Variants in RAB2A observed in about 807,000 individuals in gnomAD.
RAB2A encodes RAB2A, member RAS oncogene family, also known as ras-related protein Rab-2A.
RAB2A carries 7 observed loss-of-function variants against 32.5 expected under a neutral mutation model. That is an observed-to-expected ratio of 0.22 (90% CI 0.12 to 0.40). The LOEUF is 0.40. RAB2A is among the 10% of genes least tolerant of loss of function. The pLI is 1.00. For synonymous variants in RAB2A, 79 were observed against 85.2 expected (o/e 0.93, Z 0.40); for missense variants, 108 against 260.7 (o/e 0.41, Z 4.03).
intron 6 of RAB2A, among the ~76,000 whole-genome samples, chr8:60,609,992 A>G (rs946046149): frequency 6.6e-6 from 1 of 150,616 alleles, no homozygotes; most frequent in Non-Finnish European, 1.5e-5. Flanking sequence ...AAATCCAGAC[A>G]AGCAAATTGG....
intron 3 of RAB2A, among the ~76,000 whole-genome samples, chr8:60,577,194 C>T (rs1302804008): frequency 2.0e-5 from 3 of 151,944 alleles, no homozygotes; most frequent in Non-Finnish European, 4.4e-5. Context: ...TACAGGCACT[C>T]GCCACCACTC....
intron 1 of RAB2A, among the ~76,000 whole-genome samples, chr8:60,547,863 G>T (rs1299847295): frequency 7.9e-6 from 1 of 126,162 alleles, no homozygotes; most frequent in South Asian, 2.8e-4. Context: ...GGACGGGGCG[G>T]CTGGCCGGGC....
rs537800950 is a variant in RAB2A at position 60,593,004 on chromosome 8, T to C, written c.474+1035T>C. ...TCCTGGGCAACAGCTAGCATGTGCC[T>C]TCAATGTAGTAAGCAGTCAGTAAAT... On this transcript the variant is annotated intron_variant, in intron 6 of 7. Transcript: ENST00000262646. Among the ~76,000 whole-genome samples, 19 of 152,338 alleles carry C rather than the reference T, an allele frequency of 1.2e-4. No individual in the cohort carries two copies. In the South Asian group the frequency reaches 3.9e-3, roughly 32 times the overall value.
At chr8:60,549,479 C>T (rs998080714) in intron 1 of RAB2A, among the ~76,000 whole-genome samples, 15 of 139,332 alleles carry the variant, frequency 1.1e-4, no homozygotes, top group Non-Finnish European at 2.3e-4. Context: ...CTCCACCAAC[C>T]TTTTTTTTTT....
At chr8:60,518,992 G>T (rs1807258405) in intron 1 of RAB2A, among the ~76,000 whole-genome samples, 1 of 152,126 alleles carries the variant, frequency 6.6e-6, no homozygotes, top group Non-Finnish European at 1.5e-5. Flanking sequence ...AAAGTATTGT[G>T]CATGGAGTAG....
intron 1 of RAB2A, 168 bp from the exon 2 acceptor site, chr8:60,558,684 C>T: frequency 3.0e-6 from 2 of 659,512 alleles, no homozygotes; most frequent in Non-Finnish European, 5.4e-6. Context: ...CAGCTTCCAC[C>T]TAAATCATCA....
intron 1 of RAB2A, among the ~76,000 whole-genome samples, chr8:60,528,347 T>A (rs1026560459): frequency 2.0e-5 from 3 of 152,206 alleles, no homozygotes; most frequent in Non-Finnish European, 2.9e-5. Flanking sequence ...AACAAATGAT[T>A]ATATCTTTTT....
chr8:60,567,110 T>C (rs1808126296), intron 2 of RAB2A, among the ~76,000 whole-genome samples: 1 of 149,838 alleles, frequency 6.7e-6, no homozygotes, highest in Non-Finnish European at 1.5e-5. Flanking sequence ...TGTTCATCTT[T>C]CTTTTTTTCT....
intron 6 of RAB2A, among the ~76,000 whole-genome samples, chr8:60,607,279 A>G (rs1051901019): frequency 6.6e-6 from 1 of 151,452 alleles, no homozygotes; most frequent in Non-Finnish European, 1.5e-5. Context: ...AATACAAAAA[A>G]TTAGCCGGGC....
chr8:60,618,947 G>A (rs1369283754), intron 7 of RAB2A: 1 of 152,776 alleles, frequency 6.5e-6, no homozygotes, highest in Non-Finnish European at 1.5e-5. Flanking sequence ...CCCCCAAAGA[G>A]AAAAGAAAAT....
At chr8:60,588,828 C>T (rs961559929) in intron 5 of RAB2A, among the ~76,000 whole-genome samples, 5 of 152,064 alleles carry the variant, frequency 3.3e-5, no homozygotes, top group Non-Finnish European at 5.9e-5. Context: ...TGTAAAACAT[C>T]GTTATACTGT....
At chr8:60,602,202 A>G (rs1233998220) in intron 6 of RAB2A, among the ~76,000 whole-genome samples, 2 of 152,140 alleles carry the variant, frequency 1.3e-5, no homozygotes, top group Non-Finnish European at 2.9e-5. Flanking sequence ...AATTAACTTA[A>G]TCGGTACTAT....
At chr8:60,566,419 CT>C (rs549178020) in intron 2 of RAB2A, among the ~76,000 whole-genome samples, 2 of 151,708 alleles carry the variant, frequency 1.3e-5, no homozygotes, top group East Asian at 3.9e-4. Context: ...ATATCTTTGT[CT>C]TTTTTTTGTT....
At chr8:60,550,210 C>T (rs1391734426) in intron 1 of RAB2A, among the ~76,000 whole-genome samples, 1 of 152,158 alleles carries the variant, frequency 6.6e-6, no homozygotes, top group Non-Finnish European at 1.5e-5. Flanking sequence ...TTTGATCAGG[C>T]AAAACATTGG....
intron 1 of RAB2A, among the ~76,000 whole-genome samples, chr8:60,550,028 C>T (rs898090701): frequency 6.6e-6 from 1 of 152,094 alleles, no homozygotes; most frequent in East Asian, 1.9e-4. Context: ...TGTGGCTTAT[C>T]TTCATCCTGA....
chr8:60,516,962 G>A (rs1807212675), upstream of RAB2A: 1 of 405,780 alleles, frequency 2.5e-6, no homozygotes, highest in Non-Finnish European at 4.4e-6. Flanking sequence ...CGCGGAGGCG[G>A]GGCGGAGGCG....
chr8:60,538,035 AT>A (rs1238658495), intron 1 of RAB2A, among the ~76,000 whole-genome samples: 1 of 152,220 alleles, frequency 6.6e-6, no homozygotes, highest in Non-Finnish European at 1.5e-5. Context: ...GTTTTCCACT[AT>A]TAAGATAAAC....
At chr8:60,569,719 T>G (rs891181962) in intron 2 of RAB2A, among the ~76,000 whole-genome samples, 1 of 152,116 alleles carries the variant, frequency 6.6e-6, no homozygotes, top group Non-Finnish European at 1.5e-5. Flanking sequence ...CCCTACGTTG[T>G]CCAGGCTAGT....
At chr8:60,607,428 CA>C (rs773988383) in intron 6 of RAB2A, among the ~76,000 whole-genome samples, 10,699 of 57,422 alleles carry the variant, frequency 0.19, 332 homozygotes, top group East Asian at 0.3. Flanking sequence ...GACTCCATCT[CA>C]AAAAAAAAAA....
Sources: allele counts gnomAD v4.1 joint callset (sites outside exome capture counted in the v4.1 genomes callset), GRCh38; gene constraint gnomAD v4.1.1; transcripts MANE v1.5; gene names NCBI Gene and HGNC (gene_info 2026-07-23, HGNC 2026-07-21).